PLEKHG4B: variants seen among roughly 807,000 people sequenced by gnomAD.
The protein encoded by PLEKHG4B is pleckstrin homology and RhoGEF domain containing G4B, also known as pleckstrin homology domain-containing family G member 4B.
A neutral mutation model predicts 121.3 loss-of-function variants in PLEKHG4B; 111 were observed. The observed-to-expected ratio is 0.92, with a 90% CI of 0.78 to 1.07. The LOEUF (loss-of-function observed/expected upper bound fraction) is 1.07, where lower values mean the gene tolerates loss of function less well. PLEKHG4B is among the 50% of genes least tolerant of loss of function. The probability of loss-of-function intolerance (pLI) is 0.00; values close to 1 mark genes in which losing one functional copy is unlikely to be tolerated. For missense variants in PLEKHG4B, 1,831 were observed against 1,757.8 expected (o/e 1.04, Z -0.74); for synonymous variants, 738 against 725.0 (o/e 1.02, Z -0.29).
intron 2 of PLEKHG4B, among the ~76,000 whole-genome samples, chr5:131,145 T>C (rs1734766204): frequency 6.6e-6 from 1 of 151,836 alleles, no homozygotes; most frequent in Non-Finnish European, 1.5e-5. Flanking sequence ...AATTCTAGGG[T>C]ACATGTGCAC....
chr5:115,710 C>G (rs1734284653), intron 2 of PLEKHG4B, among the ~76,000 whole-genome samples: 3 of 152,244 alleles, frequency 2.0e-5, no homozygotes, highest in Non-Finnish European at 2.9e-5. Context: ...GAGATGGCTT[C>G]TTTCCTTAAA....
At chr5:134,079 ATATAT>A (rs1168998151) in intron 2 of PLEKHG4B, among the ~76,000 whole-genome samples, 1 of 7,272 alleles carries the variant, frequency 1.4e-4, no homozygotes, top group Non-Finnish European at 2.3e-4. Context: ...ATGATAGAAT[ATATAT>A]ATATATATAT....
intron 2 of PLEKHG4B, among the ~76,000 whole-genome samples, chr5:122,992 G>A (rs770147075): frequency 2.2e-4 from 34 of 152,034 alleles, no homozygotes; most frequent in Non-Finnish European, 4.6e-4. Context: ...GCAATTCATA[G>A]AACAATTGGA....
At chr5:135,721 A>ATATATATG (rs1734965140) in intron 2 of PLEKHG4B, among the ~76,000 whole-genome samples, 2 of 115,916 alleles carry the variant, frequency 1.7e-5, no homozygotes, top group Admixed American at 8.8e-5. Flanking sequence ...ATATATATAT[A>ATATATATG]TATATATGTA....
In PLEKHG4B at chr5:186,170, CAG is replaced by C. The variant is rs889647168; in HGVS notation, c.*3850_*3851del. The stretch of plus-strand genomic sequence containing the variant: ...TCCTGGAGCCAGCCCTGGTGTGAAA[CAG>C]AGGCTTCCTGCTGGCAGAAGAGGCC... On this transcript the variant is annotated 3_prime_UTR_variant, in exon 20 of 20. Transcript: ENST00000637938. 2.0e-5 allele frequency: 3 copies of C among 152,218 alleles called. No individual in the cohort carries two copies. The highest frequency in any genetic ancestry group is 6.5e-5 in the Admixed American group (1 of 15,286). The allele number at this position is 152,218 out of a possible 1,614,324, so 9.4% of individuals were successfully genotyped here.
At chr5:130,713 C>T (rs1217561865) in intron 2 of PLEKHG4B, among the ~76,000 whole-genome samples, 2 of 152,190 alleles carry the variant, frequency 1.3e-5, no homozygotes, top group Non-Finnish European at 2.9e-5. Flanking sequence ...TGACACTCTC[C>T]TTGACACTGT....
intron 2 of PLEKHG4B, among the ~76,000 whole-genome samples, chr5:122,493 C>T (rs1734498899): frequency 6.6e-6 from 1 of 151,956 alleles, no homozygotes; most frequent in Non-Finnish European, 1.5e-5. Flanking sequence ...GATCTTAGCT[C>T]CCTGCAACCT....
intron 2 of PLEKHG4B, among the ~76,000 whole-genome samples, chr5:118,646 C>T (rs373375734): frequency 1.2e-4 from 19 of 152,162 alleles, no homozygotes; most frequent in African/African-American, 4.3e-4. Flanking sequence ...TTTTGACTTC[C>T]TCTCATGAAT....
At chr5:170,451 G>C (rs535923325) in intron 14 of PLEKHG4B, among the ~76,000 whole-genome samples, 9 of 151,960 alleles carry the variant, frequency 5.9e-5, no homozygotes, top group African/African-American at 2.2e-4. Context: ...TACAGGCGCC[G>C]CCACCACGCC....
In PLEKHG4B at chr5:182,173, C is replaced by G; in HGVS notation, c.4734C>G (p.Gly1578=). 6.2e-7 allele frequency: 1 copy of G among 1,613,986 alleles called. No individual in the cohort carries two copies. Among genetic ancestry groups the G allele is most frequent in the Non-Finnish European group, 8.5e-7 (1 of 1,180,036 alleles). The change falls in exon 20 of 20, where the codon GGC becomes GGG. Residue 1578 remains glycine, a synonymous_variant. Coordinates refer to ENST00000637938, the MANE Select transcript of PLEKHG4B (RefSeq NM_052909.5). ...TGTCCTCCAGCCCAGCCCACCCGGG[C>G]CTATGGAGCCCTGCCCACAGCCCCT... ...LLVSSSPAHP[G]LWSPAHSPWS...
intron 2 of PLEKHG4B, among the ~76,000 whole-genome samples, chr5:135,679 AAAAATATATATATATAT>A (rs1390476004): frequency 1.9e-4 from 11 of 57,152 alleles, no homozygotes; most frequent in East Asian, 8.3e-4. Context: ...AAAAAAAAAA[AAAAATATATATATATAT>A]ATATATATAT....
intron 18 of PLEKHG4B, 95 bp downstream of exon 18, chr5:174,193 T>G: frequency 5.1e-5 from 22 of 434,356 alleles, no homozygotes; most frequent in Middle Eastern, 9.2e-4. Flanking sequence ...AGGGGCTGAG[T>G]CCAGGGGCCA....
Position 162,746 on chromosome 5 carries a change from G to A in PLEKHG4B, c.2674G>A (p.Asp892Asn). 6.8e-7 allele frequency: 1 copy of A among 1,460,794 alleles called. No homozygotes were observed. The highest frequency in any genetic ancestry group is 9.0e-7 in the Non-Finnish European group (1 of 1,105,410). 90.5% of individuals were successfully genotyped at this position (1,460,794 alleles called of 1,614,324 possible). Reference protein sequence around the residue: ...ETVSSWMGPLDPEACPSSPVA... With the variant: ...ETVSSWMGPLNPEACPSSPVA... The stretch of plus-strand genomic sequence containing the variant: ...GGTGAGCAGCTGGATGGGGCCCCTG[G>A]ACCCGGAGGCTTGTCCCTCCTCACC... The change falls in exon 13 of 20, where the codon GAC becomes AAC. Residue 892 changes from aspartate to asparagine, a missense_variant. Asp to Asn is a conservative substitution (Grantham distance 23). Transcript: ENST00000637938.
rs1356293218 is a variant in PLEKHG4B at position 183,287 on chromosome 5, C to T, written c.*964C>T. ...GATCTAGGGGTTACCAAAGTGTCCACACCCTGCAAGGTAAACTCACAGTGC... is the reference window on the plus strand; with the variant it reads ...GATCTAGGGGTTACCAAAGTGTCCATACCCTGCAAGGTAAACTCACAGTGC... On this transcript the variant is annotated 3_prime_UTR_variant, in exon 20 of 20. Coordinates refer to ENST00000637938, the MANE Select transcript of PLEKHG4B (RefSeq NM_052909.5). 6.6e-6 allele frequency: 1 copy of T among 152,214 alleles called. No homozygotes were observed. Among genetic ancestry groups the T allele is most frequent in the Non-Finnish European group, 1.5e-5 (1 of 68,058 alleles). 9.4% of individuals were successfully genotyped at this position (152,214 alleles called of 1,614,324 possible).
chr5:173,466 G>A (rs1439152606), intron 17 of PLEKHG4B, among the ~76,000 whole-genome samples: 7 of 152,104 alleles, frequency 4.6e-5, no homozygotes, highest in Non-Finnish European at 8.8e-5. Flanking sequence ...AGGGAGGGGA[G>A]GTCCCTCCCT....
Position 144,841 on chromosome 5 carries a change from AC to A in PLEKHG4B, c.1828del (p.Leu610TrpfsTer32), listed in dbSNP as rs1423358295. The A allele has an allele frequency of 1.2e-6, 2 of 1,613,260 alleles. No homozygotes were observed. Among genetic ancestry groups the A allele is most frequent in the Non-Finnish European group, 1.7e-6 (2 of 1,179,846 alleles). Reference sequence around the variant, plus strand: ...TCCCTCCCCAGGAAAGAGGTCCGGGACCTGGGGCTGGTTGTCCTGGTGGATG... The same window carrying A: ...TCCCTCCCCAGGAAAGAGGTCCGGGACTGGGGCTGGTTGTCCTGGTGGATG... ...FHSIPRKEVRDLGLVVLVDAR... is the reference protein window; with the variant it reads ...FHSIPRKEVRXLGLVVLVDAR... On this transcript the variant is annotated frameshift_variant, in exon 6 of 20. Transcript: ENST00000637938. LOFTEE classifies it high-confidence loss of function.
chr5:122,140 A>G (rs1178719066), intron 2 of PLEKHG4B, among the ~76,000 whole-genome samples: 2 of 152,192 alleles, frequency 1.3e-5, no homozygotes, highest in African/African-American at 4.8e-5. Context: ...TGTAATCTTG[A>G]GAGCAAAAAT....
chr5:182,450 C>T lies in PLEKHG4B; in HGVS notation c.*127C>T. ...CTGGAACGATCCAGAGGGAATAGCA[C>T]AGCAGGTGTCCAGGTATTTCCCAGG... On this transcript the variant is annotated 3_prime_UTR_variant, in exon 20 of 20. Coordinates refer to ENST00000637938, the MANE Select transcript of PLEKHG4B (RefSeq NM_052909.5). 1 of 847,590 alleles carries T rather than the reference C, an allele frequency of 1.2e-6. No individual in the cohort carries two copies. Among genetic ancestry groups the T allele is most frequent in the African/African-American group, 1.7e-5 (1 of 58,664 alleles). 52.5% of individuals were successfully genotyped at this position (847,590 alleles called of 1,614,324 possible). A position where few individuals can be genotyped will look rare whatever the true frequency, so the allele number is the denominator to read the frequency against.
rs1006484077 is a variant in PLEKHG4B, at chr5:174,030, C to T, written c.4334C>T (p.Ala1445Val). 6.2e-7 allele frequency: 1 copy of T among 1,606,024 alleles called. No individual in the cohort carries two copies. Among genetic ancestry groups the T allele is most frequent in the South Asian group, 1.1e-5 (1 of 89,400 alleles). The change falls in exon 18 of 20, where the codon GCA (alanine) becomes GTA (valine). Residue 1445 changes from alanine to valine, a missense_variant. Transcript: ENST00000637938. ...QDTYILQASS[A>V]EVKSAWTDVI... is the part of the protein sequence containing the mutation. ...ACCTACATTCTCCAAGCAAGCTCGGCAGAGGTCAAGAGTGCATGGACCGAT... is the reference window on the plus strand; with the variant it reads ...ACCTACATTCTCCAAGCAAGCTCGGTAGAGGTCAAGAGTGCATGGACCGAT...
Sources: allele counts gnomAD v4.1 joint callset (sites outside exome capture counted in the v4.1 genomes callset), GRCh38; gene constraint gnomAD v4.1.1; transcripts MANE v1.5; gene names NCBI Gene and HGNC (gene_info 2026-07-23, HGNC 2026-07-21).